F13A1: variants seen among roughly 807,000 people sequenced by gnomAD.
F13A1 encodes the protein coagulation factor XIII A chain.
In F13A1, 47 loss-of-function variants were observed where a neutral mutation model predicts 80.1. The ratio of observed to expected loss-of-function variants is 0.59; its 90% CI spans 0.46 to 0.75. The LOEUF is 0.75. Among genes scored for constraint, F13A1 ranks in the 30% least tolerant of loss-of-function variants. The pLI is 0.00. For missense variants in F13A1, 817 were observed against 930.4 expected (o/e 0.88, Z 1.59); for synonymous variants, 349 against 344.9 (o/e 1.01, Z -0.13).
chr6:6,264,334 G>A (rs2113120904), intron 4 of F13A1, among the ~76,000 whole-genome samples: 1 of 152,230 alleles, frequency 6.6e-6, no homozygotes, highest in East Asian at 1.9e-4. Context: ...AAATTTCCTA[G>A]AGTTCTGAAC....
intron 8 of F13A1, among the ~76,000 whole-genome samples, chr6:6,219,547 C>A (rs1757160047): frequency 6.6e-6 from 1 of 152,194 alleles, no homozygotes; most frequent in African/African-American, 2.4e-5. Context: ...GAGGTGAAGT[C>A]ATTTTCTCAA....
In F13A1 at chr6:6,162,386, C is replaced by A. The variant is rs558014080; in HGVS notation, c.1908+5072G>T. ...TCTCCATCCATCTCTACTGGTTGAA[C>A]GTTATCTGTTCATTGGAGACCATTC... On this transcript the variant is annotated intron_variant, in intron 13 of 14. Transcript: ENST00000264870. The surrounding 1 kb of genome is among the most constrained non-coding windows in gnomAD (Gnocchi z 4.2). 2.0e-4 allele frequency among the ~76,000 whole-genome samples: 30 copies of A among 152,298 alleles called. No individual in the cohort carries two copies. The South Asian group carries it at 6.2e-3, about 32-fold the overall frequency.
intron 4 of F13A1, among the ~76,000 whole-genome samples, chr6:6,263,899 C>A (rs1057437588): frequency 1.3e-5 from 2 of 152,222 alleles, no homozygotes; most frequent in Admixed American, 6.5e-5. Flanking sequence ...TCCACTGGTA[C>A]CACCATGTTT....
At chr6:6,203,722 G>C (rs867591740) in intron 8 of F13A1, among the ~76,000 whole-genome samples, 8 of 152,168 alleles carry the variant, frequency 5.3e-5, no homozygotes, top group Non-Finnish European at 8.8e-5. Context: ...CTGATGATAA[G>C]TTGTGTTTTT....
intron 6 of F13A1, among the ~76,000 whole-genome samples, chr6:6,245,396 G>A (rs983654016): frequency 1.3e-5 from 2 of 152,046 alleles, no homozygotes; most frequent in Non-Finnish European, 2.9e-5. Context: ...CTAATTTTTT[G>A]TATTTTCAGT....
chr6:6,217,861 C>T (rs2113050415), intron 8 of F13A1, among the ~76,000 whole-genome samples: 1 of 152,246 alleles, frequency 6.6e-6, no homozygotes, highest in East Asian at 1.9e-4. Context: ...CTAAAATGTG[C>T]TTTGAAAAAG....
chr6:6,212,691 C>G (rs1453756909), intron 8 of F13A1, among the ~76,000 whole-genome samples: 1 of 152,196 alleles, frequency 6.6e-6, no homozygotes. Flanking sequence ...ATAACTTTGA[C>G]GAGCTGAGAG....
chr6:6,226,252 A>G (rs777586098), intron 6 of F13A1, among the ~76,000 whole-genome samples: 9 of 152,148 alleles, frequency 5.9e-5, no homozygotes, highest in Admixed American at 5.2e-4. Context: ...TGACATTACA[A>G]TGGTGTGGAG....
intron 4 of F13A1, among the ~76,000 whole-genome samples, chr6:6,252,274 T>C (rs1222162047): frequency 6.7e-6 from 1 of 148,664 alleles, no homozygotes; most frequent in East Asian, 1.9e-4. Context: ...ATAAACTAAC[T>C]AAAAAGATAA....
intron 14 of F13A1, among the ~76,000 whole-genome samples, chr6:6,150,214 C>T (rs896036704): frequency 5.9e-5 from 9 of 152,092 alleles, no homozygotes; most frequent in African/African-American, 1.4e-4. Context: ...GAAGAGGAAA[C>T]GTGTTTCACT....
chr6:6,159,853 A>G (rs1465819965), intron 13 of F13A1, among the ~76,000 whole-genome samples: 3 of 152,128 alleles, frequency 2.0e-5, no homozygotes, highest in Non-Finnish European at 2.9e-5. Context: ...GGAGCACCCC[A>G]GGCTCTGTGT....
chr6:6,167,183 T>G (rs750184395), intron 13 of F13A1, among the ~76,000 whole-genome samples: 38 of 152,288 alleles, frequency 2.5e-4, no homozygotes, highest in Non-Finnish European at 4.7e-4. Context: ...TCCACAAGTG[T>G]GTTTATACCC....
chr6:6,296,291 T>G (rs1451521707), intron 3 of F13A1, among the ~76,000 whole-genome samples: 52 of 151,716 alleles, frequency 3.4e-4, no homozygotes, highest in Non-Finnish European at 1.5e-5. Flanking sequence ...AGAAAGTCAC[T>G]GGTAGCTTGA....
At chr6:6,302,106 AATT>A (rs1433496812) in intron 3 of F13A1, among the ~76,000 whole-genome samples, 1 of 152,296 alleles carries the variant, frequency 6.6e-6, no homozygotes, top group South Asian at 2.1e-4. Context: ...CCATTATCAT[AATT>A]ATTTTCTGAA....
intron 6 of F13A1, among the ~76,000 whole-genome samples, chr6:6,225,617 C>T (rs1757266155): frequency 1.3e-5 from 2 of 152,074 alleles, no homozygotes; most frequent in South Asian, 4.1e-4. Flanking sequence ...AAGTGATCCT[C>T]CCACTTCAGG....
intron 2 of F13A1, 181 bp from the exon 3 acceptor site, chr6:6,305,720 GTTTTTGAAGAGAGC>G (rs1411070520): frequency 6.3e-6 from 4 of 636,928 alleles, no homozygotes; most frequent in Non-Finnish European, 1.1e-5. Flanking sequence ...TGACATTCTT[GTTTTTGAAGAGAGC>G]TTTTTAAAGC....
intron 3 of F13A1, among the ~76,000 whole-genome samples, chr6:6,285,260 A>C (rs967442508): frequency 4.6e-5 from 7 of 152,238 alleles, no homozygotes; most frequent in African/African-American, 1.7e-4. Flanking sequence ...AAAAGAAAAA[A>C]GACAGAGATG....
chr6:6,313,231 T>C (rs911096075), intron 2 of F13A1, among the ~76,000 whole-genome samples: 5 of 151,296 alleles, frequency 3.3e-5, no homozygotes, highest in Admixed American at 2.6e-4. Flanking sequence ...TTGCTTCCCC[T>C]GTCCAAGCCT....
chr6:6,226,234 G>A (rs2113065858), intron 6 of F13A1, among the ~76,000 whole-genome samples: 1 of 152,238 alleles, frequency 6.6e-6, no homozygotes, highest in East Asian at 1.9e-4. Context: ...TTTCAACAAT[G>A]TTTACATTGA....
Sources: allele counts gnomAD v4.1 joint callset (sites outside exome capture counted in the v4.1 genomes callset), GRCh38; gene constraint gnomAD v4.1.1; non-coding constraint Gnocchi (gnomAD v3.1); transcripts MANE v1.5; gene names NCBI Gene and HGNC (gene_info 2026-07-23, HGNC 2026-07-21).